The following LIN28A variants were observed in gnomAD, a reference collection of about 807,000 sequenced individuals.
LIN28A encodes protein lin-28 homolog A.
A neutral mutation model predicts 21.1 loss-of-function variants in LIN28A; 11 were observed. The ratio of observed to expected loss-of-function variants is 0.52; its 90% CI spans 0.33 to 0.86. The LOEUF (loss-of-function observed/expected upper bound fraction) is 0.86, where lower values mean the gene tolerates loss of function less well. Among genes scored for constraint, LIN28A ranks in the 40% least tolerant of loss-of-function variants. The pLI, the probability that LIN28A is intolerant of heterozygous loss-of-function variation, is 0.03. For synonymous variants in LIN28A, 111 were observed against 108.7 expected, an observed-to-expected ratio of 1.02 and a Z score of -0.13; for missense variants, 219 against 279.8, an observed-to-expected ratio of 0.78 and a Z score of 1.55.
At chr1:26,424,724 A>C (rs1426835491) in intron 2 of LIN28A, among the ~76,000 whole-genome samples, 1 of 151,066 alleles carries the variant, frequency 6.6e-6, no homozygotes, top group African/African-American at 2.4e-5. Context: ...GTATTTACAA[A>C]TTTTTCTGTT....
At chr1:26,425,630 G>T in intron 3 of LIN28A, 143 bp downstream of exon 3, 1 of 723,790 alleles carries the variant, frequency 1.4e-6, no homozygotes. Flanking sequence ...CCTGCAATAG[G>T]TGTGGGCAAG....
chr1:26,412,744 G>C (rs1459895294), intron 2 of LIN28A, among the ~76,000 whole-genome samples: 1 of 152,128 alleles, frequency 6.6e-6, no homozygotes, highest in Non-Finnish European at 1.5e-5. Context: ...ATTCTTTGGG[G>C]GAGGGGTAGA....
Position 26,418,326 on chromosome 1 carries a change from C to A in LIN28A, c.228+6744C>A, listed in dbSNP as rs146016771. Among the ~76,000 whole-genome samples, 622 of 152,224 alleles carry A rather than the reference C, an allele frequency of 4.1e-3. 4 individuals are homozygous for A. The highest frequency in any genetic ancestry group is 6.9e-3 in the Non-Finnish European group (470 of 67,990). Reference sequence around the variant, plus strand: ...CTTTGGGAGGCCGAGGCGGGTAGATCATGAGGTCAGGAGATCGAGACCATC... The same window carrying A: ...CTTTGGGAGGCCGAGGCGGGTAGATAATGAGGTCAGGAGATCGAGACCATC... On this transcript the variant is annotated intron_variant, in intron 2 of 3. Coordinates refer to ENST00000326279, the MANE Select transcript of LIN28A (RefSeq NM_024674.6).
In LIN28A at chr1:26,425,405, G is replaced by A. The variant is rs768587147; in HGVS notation, c.331G>A (p.Gly111Arg). The change falls in exon 3 of 4, where the codon GGA becomes AGA. Residue 111 changes from glycine to arginine, a missense_variant. Physicochemically the swap from Gly to Arg is moderately radical, Grantham distance 125 (BLOSUM62 -2). This residue lies in a region of LIN28A where 124 missense variants were observed against 193.1 expected (regional missense o/e 0.64). Coordinates refer to ENST00000326279, the MANE Select transcript of LIN28A (RefSeq NM_024674.6). ...AKGLESIRVT[G>R]PGGVFCIGSE... The stretch of plus-strand genomic sequence containing the variant: ...GGGTCTGGAATCCATCCGTGTCACC[G>A]GACCTGGTGGAGTATTCTGTATTGG... 5.6e-6 allele frequency: 9 copies of A among 1,614,106 alleles called. No homozygotes were observed. The highest frequency in any genetic ancestry group is 1.3e-5 in the African/African-American group (1 of 75,018).
At chr1:26,415,983 CTTTT>C (rs61537385) in intron 2 of LIN28A, among the ~76,000 whole-genome samples, 1 of 151,912 alleles carries the variant, frequency 6.6e-6, no homozygotes, top group Non-Finnish European at 1.5e-5. Flanking sequence ...TAGACAATGT[CTTTT>C]TTTTATTTTT....
At chr1:26,422,501 A>G (rs1446616423) in intron 2 of LIN28A, among the ~76,000 whole-genome samples, 1 of 131,420 alleles carries the variant, frequency 7.6e-6, no homozygotes, top group Non-Finnish European at 1.6e-5. Context: ...TTGTCTTTTT[A>G]TGACCTTGAC....
At chr1:26,424,882 C>T (rs1295152052) in intron 2 of LIN28A, among the ~76,000 whole-genome samples, 1 of 151,858 alleles carries the variant, frequency 6.6e-6, no homozygotes, top group African/African-American at 2.4e-5. Context: ...GCTGGGATTA[C>T]AGGTGCCCGC....
intron 2 of LIN28A, among the ~76,000 whole-genome samples, chr1:26,423,419 T>TC (rs763766341): frequency 9.7e-6 from 1 of 102,704 alleles, no homozygotes; most frequent in South Asian, 3.4e-4. Context: ...TTTTCTTTTT[T>TC]TTTTTTTTTT....
At chr1:26,412,844 A>G (rs1019634954) in intron 2 of LIN28A, among the ~76,000 whole-genome samples, 7 of 152,096 alleles carry the variant, frequency 4.6e-5, no homozygotes, top group Non-Finnish European at 7.4e-5. Flanking sequence ...AAATAGACGC[A>G]GGGAGATGGG....
chr1:26,424,890 C>T (rs1232795752), intron 2 of LIN28A, among the ~76,000 whole-genome samples: 5 of 151,700 alleles, frequency 3.3e-5, no homozygotes, highest in South Asian at 2.1e-4. Flanking sequence ...TACAGGTGCC[C>T]GCCACCACGC....
At position 26,426,273 on chromosome 1, in the gene LIN28A, G is replaced by A; in HGVS notation, c.445G>A (p.Ala149Thr). Residue 149 changes from alanine to threonine, a missense_variant, in exon 4 of 4, where the codon GCC becomes ACC. Coordinates refer to ENST00000326279, the MANE Select transcript of LIN28A (RefSeq NM_024674.6). ...CYNCGGLDHH[A>T]KECKLPPQPK... ...CAACTGTGGAGGTCTAGATCATCATGCCAAGGAATGCAAGCTGCCACCCCA... is the reference window on the plus strand; with the variant it reads ...CAACTGTGGAGGTCTAGATCATCATACCAAGGAATGCAAGCTGCCACCCCA... The A allele has an allele frequency of 6.2e-7, 1 of 1,614,140 alleles. No homozygotes were observed. Among genetic ancestry groups the A allele is most frequent in the South Asian group, 1.1e-5 (1 of 91,082 alleles).
In LIN28A at chr1:26,411,697, C is replaced by A; in HGVS notation, c.228+115C>A. 9.5e-7 allele frequency: 1 copy of A among 1,051,994 alleles called. No homozygotes were observed. The highest frequency in any genetic ancestry group is 2.6e-5 in the East Asian group (1 of 38,898). 65.2% of individuals were successfully genotyped at this position (1,051,994 alleles called of 1,614,324 possible). Reference sequence around the variant, plus strand: ...GCCATCGGGAGCCCTCATTATGCATCCCTGTCTTTGCTTCGGCACCCCAAT... The same window carrying A: ...GCCATCGGGAGCCCTCATTATGCATACCTGTCTTTGCTTCGGCACCCCAAT... On this transcript the variant is annotated intron_variant, in intron 2 of 3. Transcript: ENST00000326279. This position sits in a 1 kb window ranked among gnomAD's most constrained non-coding sequence, Gnocchi z 5.4.
At chr1:26,416,352 C>G (rs1485051946) in intron 2 of LIN28A, among the ~76,000 whole-genome samples, 1 of 152,194 alleles carries the variant, frequency 6.6e-6, no homozygotes, top group African/African-American at 2.4e-5. Context: ...TGGGATGTTT[C>G]TACCCTCTGG....
chr1:26,426,567 T>A lies in LIN28A; in HGVS notation c.*109T>A. The A allele has an allele frequency of 1.2e-6, 1 of 825,940 alleles. No homozygotes were observed. Among genetic ancestry groups the A allele is most frequent in the Non-Finnish European group, 2.0e-6 (1 of 500,038 alleles). The allele number at this position is 825,940 out of a possible 1,614,324, so 51.2% of individuals were successfully genotyped here. On this transcript the variant is annotated 3_prime_UTR_variant, in exon 4 of 4. Coordinates refer to ENST00000326279, the MANE Select transcript of LIN28A (RefSeq NM_024674.6). Reference sequence around the variant, plus strand: ...TGGGGCTAGTTGGCACTGCCATGTATCTCAGGCTTGGGTTCACACCATCAC... The same window carrying A: ...TGGGGCTAGTTGGCACTGCCATGTAACTCAGGCTTGGGTTCACACCATCAC...
rs1203659667 is a variant in LIN28A, at chr1:26,410,828, G to A, written c.-64G>A. 6.3e-7 allele frequency: 1 copy of A among 1,576,150 alleles called. No homozygotes were observed. The highest frequency in any genetic ancestry group is 8.7e-7 in the Non-Finnish European group (1 of 1,147,270). Reference sequence around the variant, plus strand: ...TTCTCCGAACCAACCCTTTGCCTTCGGACTTCTCCGGGGCCAGCAGCCGCC... The same window carrying A: ...TTCTCCGAACCAACCCTTTGCCTTCAGACTTCTCCGGGGCCAGCAGCCGCC... On this transcript the variant is annotated 5_prime_UTR_variant, in exon 1 of 4. Coordinates refer to ENST00000326279, the MANE Select transcript of LIN28A (RefSeq NM_024674.6).
At chr1:26,412,911 A>G (rs769711017) in intron 2 of LIN28A, among the ~76,000 whole-genome samples, 40 of 152,230 alleles carry the variant, frequency 2.6e-4, no homozygotes, top group Middle Eastern at 3.4e-3. Context: ...ACATCTGCCA[A>G]GAGGACCTGC....
intron 2 of LIN28A, among the ~76,000 whole-genome samples, chr1:26,413,263 A>G (rs999557220): frequency 1.3e-5 from 2 of 152,106 alleles, no homozygotes; most frequent in Non-Finnish European, 2.9e-5. Context: ...GTCAGACCCA[A>G]CGTTTTCTCA....
At position 26,411,423 on chromosome 1, in the gene LIN28A, G is replaced by A; in HGVS notation, c.69G>A (p.Glu23=). 2 of 1,605,148 alleles carry A rather than the reference G, an allele frequency of 1.2e-6. No homozygotes were observed. Among genetic ancestry groups the A allele is most frequent in the Non-Finnish European group, 8.5e-7 (1 of 1,176,338 alleles). The change falls in exon 2 of 4, where the codon GAG becomes GAA. Residue 23 remains glutamate (E), a synonymous_variant. Coordinates refer to ENST00000326279, the MANE Select transcript of LIN28A (RefSeq NM_024674.6). This position sits in a 1 kb window ranked among gnomAD's most constrained non-coding sequence, Gnocchi z 5.4. The stretch of plus-strand genomic sequence containing the variant: ...AGGCGGCAGAAGAGGCGCCCGAGGA[G>A]GCGCCGGAGGACGCGGCCCGGGCGG... The part of the protein sequence containing the change: ...CAKAAEEAPE[E]APEDAARAAD...
intron 2 of LIN28A, among the ~76,000 whole-genome samples, chr1:26,416,678 C>T (rs1430333831): frequency 3.9e-5 from 6 of 151,978 alleles, no homozygotes; most frequent in African/African-American, 9.7e-5. Context: ...AGTGCAGTGG[C>T]GCCGTCTTAG....
Sources: allele counts gnomAD v4.1 joint callset (sites outside exome capture counted in the v4.1 genomes callset), GRCh38; gene constraint gnomAD v4.1.1; regional missense constraint gnomAD v4.1.1; non-coding constraint Gnocchi (gnomAD v3.1); transcripts MANE v1.5; gene names NCBI Gene and HGNC (gene_info 2026-07-23, HGNC 2026-07-21).